ANKH: variants seen among roughly 807,000 people sequenced by gnomAD.
ANKH encodes ANKH inorganic pyrophosphate transport regulator, also known as mineralization regulator ANKH.
A neutral mutation model predicts 49.0 loss-of-function variants in ANKH; 15 were observed. That is an observed-to-expected ratio of 0.31 (90% CI 0.20 to 0.47). The LOEUF is 0.47. Among genes scored for constraint, ANKH ranks in the 20% least tolerant of loss-of-function variants. The pLI is 1.00. For missense variants in ANKH, 429 were observed against 652.0 expected (o/e 0.66, Z 3.72); for synonymous variants, 273 against 260.0 (o/e 1.05, Z -0.48).
At chr5:14,804,544 T>C (rs1183258811) in intron 1 of ANKH, among the ~76,000 whole-genome samples, 1 of 152,238 alleles carries the variant, frequency 6.6e-6, no homozygotes, top group Non-Finnish European at 1.5e-5. Context: ...CTGTGTCTAC[T>C]TTACGCTTAC....
intron 1 of ANKH, among the ~76,000 whole-genome samples, chr5:14,800,384 A>G (rs967709583): frequency 6.6e-6 from 1 of 152,266 alleles, no homozygotes; most frequent in Non-Finnish European, 1.5e-5. Context: ...AAGAAGTTCT[A>G]CTGTGAGTAA....
chr5:14,800,452 AC>A (rs1740534031), intron 1 of ANKH, among the ~76,000 whole-genome samples: 1 of 152,210 alleles, frequency 6.6e-6, no homozygotes, highest in African/African-American at 2.4e-5. Context: ...GGAAGAGTCA[AC>A]TGATGTGGCA....
intron 1 of ANKH, among the ~76,000 whole-genome samples, chr5:14,840,146 C>T (rs1165181445): frequency 2.6e-5 from 4 of 152,190 alleles, no homozygotes; most frequent in African/African-American, 4.8e-5. Context: ...CTCATCCTTA[C>T]CACGCCTCTC....
At chr5:14,856,577 C>T (rs1420494734) in intron 1 of ANKH, among the ~76,000 whole-genome samples, 1 of 151,892 alleles carries the variant, frequency 6.6e-6, no homozygotes, top group Non-Finnish European at 1.5e-5. Context: ...GAGGACAGGC[C>T]CCAGAGACTC....
Position 14,714,182 on chromosome 5 carries a change from C to G in ANKH, c.1142-515G>C, listed in dbSNP as rs576398354. ...CCCTCTGTTCTTTCCCTGGACTGGT[C>G]CTGACCACTTCCACCGAGGTCACTT... On this transcript the variant is annotated intron_variant, in intron 9 of 11. Transcript: ENST00000284268. 4.6e-5 allele frequency among the ~76,000 whole-genome samples: 7 copies of G among 152,324 alleles called. No homozygotes were observed. In the South Asian group the frequency reaches 6.2e-4, roughly 14 times the overall value.
intron 8 of ANKH, among the ~76,000 whole-genome samples, chr5:14,729,605 C>T (rs563969634): frequency 3.9e-4 from 60 of 152,224 alleles, no homozygotes; most frequent in Non-Finnish European, 7.1e-4. Context: ...TCCGCCTCTA[C>T]CTGCCAGCTG....
intron 8 of ANKH, among the ~76,000 whole-genome samples, chr5:14,735,992 G>C (rs1287028759): frequency 7.6e-6 from 1 of 132,022 alleles, no homozygotes; most frequent in Non-Finnish European, 1.6e-5. Flanking sequence ...GAAAGATCCA[G>C]AGTAAAAACC....
chr5:14,740,769 G>A (rs1009565002), intron 8 of ANKH, among the ~76,000 whole-genome samples: 8 of 152,298 alleles, frequency 5.3e-5, no homozygotes, highest in East Asian at 1.9e-4. Context: ...CAAGCTCCAC[G>A]GTTCTTGTGA....
At chr5:14,864,015 G>T (rs1735575768) in intron 1 of ANKH, among the ~76,000 whole-genome samples, 2 of 152,110 alleles carry the variant, frequency 1.3e-5, no homozygotes, top group Admixed American at 6.6e-5. Flanking sequence ...AGGAGTTCGA[G>T]ACCAGCTTGG....
intron 2 of ANKH, among the ~76,000 whole-genome samples, chr5:14,760,345 AG>A (rs1238768667): frequency 6.6e-6 from 1 of 152,144 alleles, no homozygotes; most frequent in Admixed American, 6.5e-5. Flanking sequence ...AAAGGGGATT[AG>A]TAGAGGTTTG....
chr5:14,768,878 T>C, intron 2 of ANKH, 97 bp downstream of exon 2: 2 of 1,329,908 alleles, frequency 1.5e-6, no homozygotes, highest in Non-Finnish European at 2.2e-6. Flanking sequence ...TGATAATTAG[T>C]GAAGAAACCA....
In ANKH at chr5:14,708,084, T is replaced by G. The variant is rs575862555; in HGVS notation, c.*3113A>C. On this transcript the variant is annotated 3_prime_UTR_variant, in exon 12 of 12. Coordinates refer to ENST00000284268, the MANE Select transcript of ANKH (RefSeq NM_054027.6). ...CAAGCGCAAGCCTCGTCTAGTTCTTTTTGCTCAGTTGTTGTCTCACTGACG... is the reference window on the plus strand; with the variant it reads ...CAAGCGCAAGCCTCGTCTAGTTCTTGTTGCTCAGTTGTTGTCTCACTGACG... The G allele has an allele frequency of 6.6e-6, 1 of 152,338 alleles. No individual in the cohort carries two copies. The highest frequency in any genetic ancestry group is 2.4e-5 in the African/African-American group (1 of 41,562). 9.4% of individuals were successfully genotyped at this position (152,338 alleles called of 1,614,324 possible).
intron 8 of ANKH, among the ~76,000 whole-genome samples, chr5:14,721,684 A>C (rs959460701): frequency 3.9e-5 from 6 of 152,166 alleles, no homozygotes; most frequent in Non-Finnish European, 7.4e-5. Context: ...GTAATCCAGC[A>C]CTTTGGGAGG....
intron 1 of ANKH, among the ~76,000 whole-genome samples, chr5:14,830,875 G>T (rs779468444): frequency 3.3e-5 from 5 of 152,116 alleles, no homozygotes; most frequent in Non-Finnish European, 5.9e-5. Context: ...CCTGGGACTC[G>T]CCTGGCTTCA....
chr5:14,793,005 T>TAAATATATATATAA, intron 1 of ANKH, among the ~76,000 whole-genome samples: 1 of 60,290 alleles, frequency 1.7e-5, no homozygotes, highest in Non-Finnish European at 3.8e-5. Context: ...TATATATATA[T>TAAATATATATATAA]AAATATATAT....
At chr5:14,861,889 A>G (rs1017155921) in intron 1 of ANKH, among the ~76,000 whole-genome samples, 3 of 152,176 alleles carry the variant, frequency 2.0e-5, no homozygotes, top group African/African-American at 4.8e-5. Flanking sequence ...ATTGTCCCCA[A>G]CCTTTGCCCT....
chr5:14,813,591 C>T (rs375448197), intron 1 of ANKH, among the ~76,000 whole-genome samples: 2 of 152,138 alleles, frequency 1.3e-5, no homozygotes, highest in African/African-American at 2.4e-5. Flanking sequence ...TCTGTACTGA[C>T]GTGTGCCACA....
chr5:14,784,934 C>T (rs1299886038), intron 1 of ANKH, among the ~76,000 whole-genome samples: 1 of 152,118 alleles, frequency 6.6e-6, no homozygotes, highest in Non-Finnish European at 1.5e-5. Context: ...GAGATGTGCC[C>T]ACCAATAGCA....
intron 3 of ANKH, among the ~76,000 whole-genome samples, chr5:14,757,701 G>A (rs114613685): frequency 1.2e-3 from 181 of 152,134 alleles, no homozygotes; most frequent in African/African-American, 4.1e-3. Context: ...GAGTATATCA[G>A]AAAAGAACTG....
Sources: allele counts gnomAD v4.1 joint callset (sites outside exome capture counted in the v4.1 genomes callset), GRCh38; gene constraint gnomAD v4.1.1; transcripts MANE v1.5; gene names NCBI Gene and HGNC (gene_info 2026-07-23, HGNC 2026-07-21).